The following AKT2 variants were observed in gnomAD, a reference collection of about 807,000 sequenced individuals.
AKT2 encodes AKT serine/threonine kinase 2, also known as RAC-beta serine/threonine-protein kinase.
A neutral mutation model predicts 58.6 loss-of-function variants in AKT2; 16 were observed. That is an observed-to-expected ratio of 0.27 (90% CI 0.18 to 0.41). AKT2 has a LOEUF of 0.41. Among genes scored for constraint, AKT2 ranks in the 10% least tolerant of loss-of-function variants. The pLI is 1.00. For missense variants in AKT2, 438 were observed against 661.0 expected, an observed-to-expected ratio of 0.66 and a Z score of 3.70; for synonymous variants, 253 against 254.0, an observed-to-expected ratio of 1.00 and a Z score of 0.04.
intron 1 of AKT2, among the ~76,000 whole-genome samples, chr19:40,284,012 T>C (rs774003375): frequency 3.3e-5 from 5 of 152,124 alleles, no homozygotes; most frequent in Non-Finnish European, 7.4e-5. Flanking sequence ...TCACATCCAC[T>C]GCCAACCAAG....
rs529572720 is a variant in AKT2 at position 40,239,070 on chromosome 19, C to T, written c.640-97G>A. 7.4e-5 allele frequency: 97 copies of T among 1,315,504 alleles called. No homozygotes were observed. In the South Asian group the frequency reaches 1.2e-3, roughly 16 times the overall value. The allele number at this position is 1,315,504 out of a possible 1,614,324, so 81.5% of individuals were successfully genotyped here. ...CCTGGCCCTGCTTATTCTGCACACACACACCCTGCCCTGGCTGGGGCCCCC... is the reference window on the plus strand; with the variant it reads ...CCTGGCCCTGCTTATTCTGCACACATACACCCTGCCCTGGCTGGGGCCCCC... On this transcript the variant is annotated intron_variant, in intron 7 of 13. Coordinates refer to ENST00000392038, the MANE Select transcript of AKT2 (RefSeq NM_001626.6).
chr19:40,233,531 CCAGGCCAGAAACTCAGG>C lies in AKT2; in HGVS notation c.*324_*340del, dbSNP rs1973822005. On this transcript the variant is annotated 3_prime_UTR_variant, in exon 14 of 14. Coordinates refer to ENST00000392038, the MANE Select transcript of AKT2 (RefSeq NM_001626.6). This position sits in a 1 kb window ranked among gnomAD's most constrained non-coding sequence, Gnocchi z 4.3. ...GCGGAGGCAGACACCAGCACGACACCCAGGCCAGAAACTCAGGCAGGCCCCAGGCGCCATGCTTCACC... is the reference window on the plus strand; with the variant it reads ...GCGGAGGCAGACACCAGCACGACACCCAGGCCCCAGGCGCCATGCTTCACC... 1 of 637,542 alleles carries C rather than the reference CCAGGCCAGAAACTCAGG, an allele frequency of 1.6e-6. No individual in the cohort carries two copies. The highest frequency in any genetic ancestry group is 1.8e-5 in the Admixed American group (1 of 54,306). 39.5% of individuals were successfully genotyped at this position (637,542 alleles called of 1,614,324 possible).
At position 40,233,707 on chromosome 19, in the gene AKT2, A is replaced by G; in HGVS notation, c.*165T>C. On this transcript the variant is annotated 3_prime_UTR_variant, in exon 14 of 14. Transcript: ENST00000392038. This position sits in a 1 kb window ranked among gnomAD's most constrained non-coding sequence, Gnocchi z 4.3. ...GCTGGAGGCTGGAGGCAGGGGCTGC[A>G]GGGGCCGCTGGGGTGCGTCTGGGAG... is the stretch of plus-strand genomic sequence containing the variant. 1 of 709,346 alleles carries G rather than the reference A, an allele frequency of 1.4e-6. No individual in the cohort carries two copies. The highest frequency in any genetic ancestry group is 2.4e-6 in the Non-Finnish European group (1 of 410,062). The allele number at this position is 709,346 out of a possible 1,614,324, so 43.9% of individuals were successfully genotyped here. A position where few individuals can be genotyped will look rare whatever the true frequency, so the allele number is the denominator to read the frequency against.
intron 4 of AKT2, among the ~76,000 whole-genome samples, chr19:40,251,795 A>G (rs1415093946): frequency 2.0e-5 from 3 of 152,200 alleles, no homozygotes; most frequent in Non-Finnish European, 4.4e-5. Context: ...CAGCATCATG[A>G]TTCTGTAGGA....
chr19:40,233,637 C>T lies in AKT2; in HGVS notation c.*235G>A, dbSNP rs772124752. 21 of 752,728 alleles carry T rather than the reference C, an allele frequency of 2.8e-5. No homozygotes were observed. The highest frequency in any genetic ancestry group is 4.4e-5 in the Non-Finnish European group (18 of 410,306). The allele number at this position is 752,728 out of a possible 1,614,324, so 46.6% of individuals were successfully genotyped here. Reference sequence around the variant, plus strand: ...AACCGCCCAACAGCCCAGGCCTGGGCGGGAGGTGGAGTCTTCCAAATGCGA... The same window carrying T: ...AACCGCCCAACAGCCCAGGCCTGGGTGGGAGGTGGAGTCTTCCAAATGCGA... On this transcript the variant is annotated 3_prime_UTR_variant, in exon 14 of 14. Coordinates refer to ENST00000392038, the MANE Select transcript of AKT2 (RefSeq NM_001626.6). This position sits in a 1 kb window ranked among gnomAD's most constrained non-coding sequence, Gnocchi z 4.3.
chr19:40,237,900 A>G lies in AKT2; in HGVS notation c.831+69T>C. 1.2e-6 allele frequency: 2 copies of G among 1,601,156 alleles called. No homozygotes were observed. Among genetic ancestry groups the G allele is most frequent in the Non-Finnish European group, 8.5e-7 (1 of 1,174,842 alleles). ...CGAATGAGGGCAGAAGCTCAGCCCA[A>G]CTTCCCCAGTGTGAGTCCCATGTGG... On this transcript the variant is annotated intron_variant, in intron 9 of 13. Transcript: ENST00000392038. The surrounding 1 kb of genome is among the most constrained non-coding windows in gnomAD (Gnocchi z 4.5).
chr19:40,231,680 C>T lies in AKT2; in HGVS notation c.*2192G>A. On this transcript the variant is annotated 3_prime_UTR_variant, in exon 14 of 14. Coordinates refer to ENST00000392038, the MANE Select transcript of AKT2 (RefSeq NM_001626.6). ...TTGCTGGGGGAGGTGTTCCATCCGGCCAGCGCCCGGCCATGCAGCCACGTG... is the reference window on the plus strand; with the variant it reads ...TTGCTGGGGGAGGTGTTCCATCCGGTCAGCGCCCGGCCATGCAGCCACGTG... 4.3e-6 allele frequency: 1 copy of T among 233,500 alleles called. No individual in the cohort carries two copies. The highest frequency in any genetic ancestry group is 8.5e-6 in the Non-Finnish European group (1 of 118,218). 14.5% of individuals were successfully genotyped at this position (233,500 alleles called of 1,614,324 possible).
At chr19:40,267,619 T>C (rs1390713138) in intron 1 of AKT2, among the ~76,000 whole-genome samples, 1 of 152,152 alleles carries the variant, frequency 6.6e-6, no homozygotes, top group Non-Finnish European at 1.5e-5. Flanking sequence ...CAAAGCGTCT[T>C]ATCTAATGAG....
intron 1 of AKT2, among the ~76,000 whole-genome samples, chr19:40,270,168 C>T (rs1976607566): frequency 6.6e-6 from 1 of 152,222 alleles, no homozygotes; most frequent in South Asian, 2.1e-4. Flanking sequence ...GCAAAGCATG[C>T]CCACCCTACC....
At chr19:40,263,306 G>A (rs898486667) in intron 2 of AKT2, among the ~76,000 whole-genome samples, 3 of 152,128 alleles carry the variant, frequency 2.0e-5, no homozygotes, top group African/African-American at 7.2e-5. Flanking sequence ...CACACACCAC[G>A]CCAACCATTC....
In AKT2 at chr19:40,282,242, C is replaced by G. The variant is rs1436708979; in HGVS notation, c.-85+2939G>C. The G allele has an allele frequency of 9.3e-6, 3 of 323,156 alleles. No homozygotes were observed. The East Asian group carries it at 3.0e-4, about 32-fold the overall frequency. 20.0% of individuals were successfully genotyped at this position (323,156 alleles called of 1,614,324 possible). On this transcript the variant is annotated intron_variant, in intron 1 of 13. Transcript: ENST00000392038. ...ACAGTACCAGGCACCATTCTAGGAG[C>G]TTCTCGTGGATTAATTCATTTAATC...
Position 40,235,568 on chromosome 19 carries a change from C to T in AKT2, c.1176-218G>A. ...GGACCCACGTGTCCTCACTGCCTGG[C>T]CTTACCCTGAGTCCAGAAAGGGAGT... On this transcript the variant is annotated intron_variant, in intron 11 of 13. Coordinates refer to ENST00000392038, the MANE Select transcript of AKT2 (RefSeq NM_001626.6). This position sits in a 1 kb window ranked among gnomAD's most constrained non-coding sequence, Gnocchi z 6.3. The T allele has an allele frequency of 1.6e-6, 1 of 633,168 alleles. No homozygotes were observed. 39.2% of individuals were successfully genotyped at this position (633,168 alleles called of 1,614,324 possible).
At chr19:40,252,178 G>A (rs1208396239) in intron 4 of AKT2, among the ~76,000 whole-genome samples, 2 of 152,212 alleles carry the variant, frequency 1.3e-5, no homozygotes, top group Non-Finnish European at 2.9e-5. Flanking sequence ...ATCAGCCTGT[G>A]TGGGCCAGGG....
At position 40,234,104 on chromosome 19, in the gene AKT2, C is replaced by G. The variant is rs1377365154; in HGVS notation, c.1367-153G>C. 6.6e-6 allele frequency among the ~76,000 whole-genome samples: 1 copy of G among 152,162 alleles called. No homozygotes were observed. Among genetic ancestry groups the G allele is most frequent in the Non-Finnish European group, 1.5e-5 (1 of 68,010 alleles). ...CCTCCGCAATGGAGGCCCTCAGCCA[C>G]GGACCCACTCCCCAAACCTGAGCCC... On this transcript the variant is annotated intron_variant, in intron 13 of 13. Transcript: ENST00000392038. The surrounding 1 kb of genome is among the most constrained non-coding windows in gnomAD (Gnocchi z 4.7).
chr19:40,239,069 A>C, intron 7 of AKT2, 96 bp from the exon 8 acceptor site: 1 of 1,314,922 alleles, frequency 7.6e-7, no homozygotes, highest in Non-Finnish European at 1.1e-6. Flanking sequence ...TTCTGCACAC[A>C]CACACCCTGC....
chr19:40,276,968 A>G (rs529682705), intron 1 of AKT2, among the ~76,000 whole-genome samples: 12 of 152,328 alleles, frequency 7.9e-5, no homozygotes, highest in Admixed American at 3.3e-4. Flanking sequence ...GGCTGCAATC[A>G]GCCATGATGG....
At chr19:40,273,462 G>A (rs897838598) in intron 1 of AKT2, 7 of 141,066 alleles carry the variant, frequency 5.0e-5, no homozygotes, top group Non-Finnish European at 9.1e-5. Context: ...GTGAGAAGGT[G>A]GCACTGAAGA....
chr19:40,252,060 C>A (rs925944617), intron 4 of AKT2, among the ~76,000 whole-genome samples: 1 of 152,136 alleles, frequency 6.6e-6, no homozygotes, highest in African/African-American at 2.4e-5. Flanking sequence ...CAACCAGGAG[C>A]CCAGTGAGGA....
At chr19:40,280,429 G>A (rs776451941) in intron 1 of AKT2, among the ~76,000 whole-genome samples, 2 of 152,140 alleles carry the variant, frequency 1.3e-5, no homozygotes, top group Non-Finnish European at 2.9e-5. Flanking sequence ...GAAGTGGGAG[G>A]CCTGTGAAAC....
Sources: gnomAD v4.1 joint callset for allele counts (sites outside exome capture counted in the v4.1 genomes callset) on GRCh38, gnomAD v4.1.1 for gene constraint, Gnocchi (gnomAD v3.1) non-coding constraint, MANE v1.5 for transcripts, NCBI Gene and HGNC (gene_info 2026-07-23, HGNC 2026-07-21) for gene names.